ATP13A4: variants seen among roughly 807,000 people sequenced by gnomAD.
ATP13A4 encodes ATPase 13A4, also known as probable cation-transporting ATPase 13A4.
A neutral mutation model predicts 142.5 loss-of-function variants in ATP13A4; 114 were observed. The ratio of observed to expected loss-of-function variants is 0.80; its 90% CI spans 0.69 to 0.93. The LOEUF (loss-of-function observed/expected upper bound fraction) is 0.93. ATP13A4 is among the 40% of genes least tolerant of loss of function. The pLI, the probability that ATP13A4 is intolerant of heterozygous loss-of-function variation, is 0.00. For missense variants in ATP13A4, 1,392 were observed against 1,454.0 expected (o/e 0.96, Z 0.69); for synonymous variants, 488 against 514.8 (o/e 0.95, Z 0.70).
intron 2 of ATP13A4, among the ~76,000 whole-genome samples, chr3:193,561,465 C>G (rs1297959026): frequency 6.6e-6 from 1 of 152,196 alleles, no homozygotes; most frequent in Admixed American, 6.5e-5. Context: ...AGGGAGGAGA[C>G]TCTCAAGTGG....
intron 13 of ATP13A4, among the ~76,000 whole-genome samples, chr3:193,461,072 T>C (rs535993320): frequency 1.1e-4 from 16 of 152,072 alleles, no homozygotes; most frequent in African/African-American, 3.9e-4. Context: ...TCAACTTTGA[T>C]TGGAAGGCAG....
chr3:193,521,865 A>G (rs1469618380), intron 1 of ATP13A4, among the ~76,000 whole-genome samples: 1 of 152,084 alleles, frequency 6.6e-6, no homozygotes, highest in Non-Finnish European at 1.5e-5. Context: ...CCCAGGAGGC[A>G]GAGGTTGCAG....
At chr3:193,461,584 A>T (rs1717947318) in intron 13 of ATP13A4, among the ~76,000 whole-genome samples, 1 of 152,260 alleles carries the variant, frequency 6.6e-6, no homozygotes, top group African/African-American at 2.4e-5. Context: ...ACTTGTTTCT[A>T]GATAGCATTT....
In ATP13A4 at chr3:193,493,937, G is replaced by C. The variant is rs530169771; in HGVS notation, c.382-777C>G. The stretch of plus-strand genomic sequence containing the variant: ...TAACATACAGAGACTGAAAATGAAA[G>C]AATGGAAGAAGACATTCCATGAAAA... On this transcript the variant is annotated intron_variant, in intron 3 of 29. Coordinates refer to ENST00000342695, the MANE Select transcript of ATP13A4 (RefSeq NM_032279.4). Among the ~76,000 whole-genome samples, 298 of 152,046 alleles carry C rather than the reference G, an allele frequency of 2.0e-3. 3 individuals are homozygous for C. Among genetic ancestry groups the C allele is most frequent in the African/African-American group, 6.9e-3 (288 of 41,522 alleles).
intron 3 of ATP13A4, 55 bp from the exon 4 acceptor site, chr3:193,493,215 G>C: frequency 7.1e-7 from 1 of 1,416,694 alleles, no homozygotes; most frequent in Non-Finnish European, 9.9e-7. Context: ...AGAATAAACA[G>C]CAACCCAGTG....
chr3:193,454,001 C>T, intron 17 of ATP13A4, 100 bp downstream of exon 17: 2 of 1,002,528 alleles, frequency 2.0e-6, no homozygotes, highest in Non-Finnish European at 1.6e-6. Context: ...GTCCACCACC[C>T]AGAACCCCTA....
At chr3:193,443,539 A>C (rs1716776214) in intron 18 of ATP13A4, among the ~76,000 whole-genome samples, 1 of 152,232 alleles carries the variant, frequency 6.6e-6, no homozygotes, top group Non-Finnish European at 1.5e-5. Context: ...CATTCTCCAG[A>C]AGATTTTAAC....
At chr3:193,523,214 G>T (rs184123898) in intron 1 of ATP13A4, among the ~76,000 whole-genome samples, 2 of 151,948 alleles carry the variant, frequency 1.3e-5, no homozygotes, top group African/African-American at 4.8e-5. Context: ...TGAGACAGGA[G>T]AATCACATGA....
At chr3:193,447,009 G>A (rs1716995005) in intron 18 of ATP13A4, among the ~76,000 whole-genome samples, 1 of 152,160 alleles carries the variant, frequency 6.6e-6, no homozygotes, top group Non-Finnish European at 1.5e-5. Flanking sequence ...AAATCTAAGA[G>A]CACCCCTTCA....
At chr3:193,541,664 ATTC>A (rs1482247671) in intron 1 of ATP13A4, among the ~76,000 whole-genome samples, 1 of 152,100 alleles carries the variant, frequency 6.6e-6, no homozygotes, top group Non-Finnish European at 1.5e-5. Context: ...ATACCCCAAT[ATTC>A]TTCTGGCAAA....
At chr3:193,549,087 G>A (rs1723391674) in intron 1 of ATP13A4, among the ~76,000 whole-genome samples, 1 of 152,180 alleles carries the variant, frequency 6.6e-6, no homozygotes, top group Non-Finnish European at 1.5e-5. Flanking sequence ...ATGTCAGCAT[G>A]AATGGAGGAG....
chr3:193,549,462 A>G (rs899329927), intron 1 of ATP13A4, among the ~76,000 whole-genome samples: 2 of 152,008 alleles, frequency 1.3e-5, no homozygotes, highest in African/African-American at 4.8e-5. Flanking sequence ...AGAGAGATCC[A>G]TAAAGCATTT....
intron 23 of ATP13A4, among the ~76,000 whole-genome samples, chr3:193,436,833 G>A (rs1027751158): frequency 5.7e-5 from 8 of 140,658 alleles, no homozygotes; most frequent in Non-Finnish European, 1.0e-4. Flanking sequence ...GGCCGGGCGC[G>A]GTGGCTCACG....
At chr3:193,491,568 G>T (rs965673242) in intron 5 of ATP13A4, among the ~76,000 whole-genome samples, 170 bp from the exon 6 acceptor site, 2 of 151,420 alleles carry the variant, frequency 1.3e-5, no homozygotes, top group African/African-American at 4.9e-5. Flanking sequence ...GGGAGGTGAG[G>T]GTTCCCAGTT....
At chr3:193,556,246 A>C (rs886547101), upstream of ATP13A4, among the ~76,000 whole-genome samples, 3 of 152,180 alleles carry the variant, frequency 2.0e-5, no homozygotes, top group Non-Finnish European at 4.4e-5. Context: ...TAGGTGTTCC[A>C]CAAAAGATAG....
chr3:193,523,555 T>C (rs1025759584), intron 1 of ATP13A4, among the ~76,000 whole-genome samples: 2 of 152,208 alleles, frequency 1.3e-5, no homozygotes, highest in African/African-American at 4.8e-5. Flanking sequence ...AATGATGGTA[T>C]TCGCAGAGCT....
At chr3:193,542,898 G>A (rs1457492496) in intron 1 of ATP13A4, among the ~76,000 whole-genome samples, 2 of 152,152 alleles carry the variant, frequency 1.3e-5, no homozygotes. Context: ...AGGCACGGTG[G>A]CTCACGCCTG....
chr3:193,504,732 T>G (rs1422037353), intron 2 of ATP13A4, among the ~76,000 whole-genome samples: 3 of 152,064 alleles, frequency 2.0e-5, no homozygotes, highest in African/African-American at 7.2e-5. Context: ...AATGAAAAAT[T>G]TGGTAAGAAA....
intron 1 of ATP13A4, among the ~76,000 whole-genome samples, chr3:193,585,430 TAACAACAACAAC>T (rs368723108): frequency 6.6e-6 from 1 of 151,200 alleles, no homozygotes; most frequent in African/African-American, 2.4e-5. Flanking sequence ...CAAAAGAAAA[TAACAACAACAAC>T]AACAACAACA....
Sources: gnomAD v4.1 joint callset for allele counts (sites outside exome capture counted in the v4.1 genomes callset) on GRCh38, gnomAD v4.1.1 for gene constraint, MANE v1.5 for transcripts, NCBI Gene and HGNC (gene_info 2026-07-23, HGNC 2026-07-21) for gene names.